AHNAK: variants seen among roughly 807,000 people sequenced by gnomAD.
AHNAK encodes the protein AHNAK nucleoprotein.
A neutral mutation model predicts 37.8 loss-of-function variants in AHNAK; 23 were observed. That is an observed-to-expected ratio of 0.61 (90% CI 0.44 to 0.86). AHNAK has a LOEUF of 0.86. Among genes scored for constraint, AHNAK ranks in the 40% least tolerant of loss-of-function variants. The pLI is 0.00. For synonymous variants in AHNAK, 2,481 were observed against 2,636.3 expected, an observed-to-expected ratio of 0.94 and a Z score of 1.80; for missense variants, 7,411 against 7,319.4, an observed-to-expected ratio of 1.01 and a Z score of -0.46.
In AHNAK at chr11:62,532,560, C is replaced by A. The variant is rs151201142; in HGVS notation, c.1857G>T (p.Ala619=). The change falls in exon 5 of 5, where the codon GCG becomes GCT. Residue 619 remains alanine (A), a synonymous_variant. Transcript: ENST00000378024. ...TTTTCAGGTTCCATTCTGGGCCATG[C>A]GCTTCGACATCTGGGGCACTGACAT... The part of the protein sequence containing the change: ...KVDVSAPDVE[A]HGPEWNLKMP... The A allele has an allele frequency of 4.3e-6, 7 of 1,613,916 alleles. No individual in the cohort carries two copies. The Admixed American group carries it at 5.0e-5, about 12-fold the overall frequency.
At chr11:62,512,186 A>AC (rs371523140), downstream of AHNAK, among the ~76,000 whole-genome samples, 2 of 151,944 alleles carry the variant, frequency 1.3e-5, no homozygotes, top group Admixed American at 6.6e-5. This position sits in a 1 kb window ranked among gnomAD's most constrained non-coding sequence, Gnocchi z 4.0. Context: ...CCACCTTCAG[A>AC]CCCCTGCTCC....
Position 62,523,112 on chromosome 11 carries a change from T to C in AHNAK, c.11305A>G (p.Lys3769Glu). ...VKGDVDVSLPKMEGDLKGPEV... is the reference protein window; with the variant it reads ...VKGDVDVSLPEMEGDLKGPEV... ...GGACCCTTGAGGTCACCTTCCATTT[T>C]GGGCAGAGAAACATCCACATCGCCC... Residue 3769 changes from lysine to glutamate, a missense_variant, in exon 5 of 5, where the codon AAA becomes GAA. Lys to Glu is a moderately conservative substitution (Grantham distance 56, BLOSUM62 1). Transcript: ENST00000378024. 6.2e-7 allele frequency: 1 copy of C among 1,614,128 alleles called. No homozygotes were observed. Among genetic ancestry groups the C allele is most frequent in the Non-Finnish European group, 8.5e-7 (1 of 1,180,014 alleles).
At chr11:62,471,919 G>A (rs1939043277) in intron 5 of AHNAK, among the ~76,000 whole-genome samples, 1 of 152,146 alleles carries the variant, frequency 6.6e-6, no homozygotes, top group Non-Finnish European at 1.5e-5. Flanking sequence ...AGGGAGAGGG[G>A]TGGAGAGATA....
At chr11:62,506,370 A>C (rs957298809) in intron 4 of AHNAK, among the ~76,000 whole-genome samples, 2 of 151,978 alleles carry the variant, frequency 1.3e-5, no homozygotes, top group Admixed American at 6.6e-5. Context: ...GAAGACTGAG[A>C]TCCTTCTACT....
At chr11:62,478,127 C>G (rs545437743) in intron 5 of AHNAK, among the ~76,000 whole-genome samples, 62 of 152,312 alleles carry the variant, frequency 4.1e-4, no homozygotes, top group African/African-American at 1.4e-3. Context: ...CCATCTCCTC[C>G]CCCACTATTC....
In AHNAK at chr11:62,531,076, T is replaced by A; in HGVS notation, c.3341A>T (p.Asp1114Val). The A allele has an allele frequency of 6.2e-7, 1 of 1,613,822 alleles. No individual in the cohort carries two copies. Among genetic ancestry groups the A allele is most frequent in the Non-Finnish European group, 8.5e-7 (1 of 1,179,960 alleles). ...CCAGTCCAGGCCTTGGCCTTCCACA[T>A]CTGGTGCTTTAATATCTACCTTGGG... ...RGPKVDIKAP[D>V]VEGQGLDWSL... The change falls in exon 5 of 5, where the codon GAT (aspartate) becomes GTT (valine). Residue 1114 changes from aspartate (D) to valine (V), a missense_variant. Coordinates refer to ENST00000378024, the MANE Select transcript of AHNAK (RefSeq NM_001620.3).
intron 5 of AHNAK, among the ~76,000 whole-genome samples, chr11:62,469,551 G>A (rs904781331): frequency 2.6e-5 from 4 of 151,846 alleles, no homozygotes; most frequent in South Asian, 2.1e-4. Context: ...TGTAACCTCC[G>A]CCTCCCAGGT....
chr11:62,535,074 C>T lies in AHNAK; in HGVS notation c.271G>A (p.Asp91Asn), dbSNP rs750313527. 5 of 1,613,874 alleles carry T rather than the reference C, an allele frequency of 3.1e-6. No homozygotes were observed. The South Asian group carries it at 4.4e-5, about 14-fold the overall frequency. Residue 91 changes from aspartate (D) to asparagine (N), a missense_variant, in exon 4 of 5, where the codon GAC becomes AAC. Asp to Asn is a conservative substitution (Grantham distance 23, BLOSUM62 1). Coordinates refer to ENST00000378024, the MANE Select transcript of AHNAK (RefSeq NM_001620.3). ...GTCTGGCCAGGCTCGGGAGAGCGGT[C>T]CCCCTTGCGGTGCAGCTTCAGGCCC... ...TVGLKLHRKGDRSPEPGQTWT... is the reference protein window; with the variant it reads ...TVGLKLHRKGNRSPEPGQTWT...
At chr11:62,442,313 T>C (rs1008272956) in intron 5 of AHNAK, among the ~76,000 whole-genome samples, 5 of 152,124 alleles carry the variant, frequency 3.3e-5, no homozygotes, top group African/African-American at 1.2e-4. Flanking sequence ...TGTGGGAGGC[T>C]GAAGCGGGCA....
intron 5 of AHNAK, among the ~76,000 whole-genome samples, chr11:62,459,344 A>G (rs1938736944): frequency 6.6e-6 from 1 of 152,210 alleles, no homozygotes; most frequent in South Asian, 2.1e-4. Context: ...CCTTCAGTCT[A>G]CACTGAAAGC....
At chr11:62,505,649 C>T (rs1219746042) in intron 4 of AHNAK, among the ~76,000 whole-genome samples, 1 of 151,946 alleles carries the variant, frequency 6.6e-6, no homozygotes, top group Non-Finnish European at 1.5e-5. Flanking sequence ...CTTCCCGCTC[C>T]ACGCCCTTCA....
chr11:62,520,808 T>C lies in AHNAK; in HGVS notation c.13609A>G (p.Met4537Val). The C allele has an allele frequency of 3.7e-6, 6 of 1,614,092 alleles. No homozygotes were observed. The highest frequency in any genetic ancestry group is 5.1e-6 in the Non-Finnish European group (6 of 1,179,998). Residue 4537 changes from methionine (M) to valine (V), a missense_variant, in exon 5 of 5, where the codon ATG (methionine) becomes GTG (valine). Transcript: ENST00000378024. ...NLKGPKIKGDMDISVPKLEGD... is the reference protein window; with the variant it reads ...NLKGPKIKGDVDISVPKLEGD... ...TCCAGTTTAGGAACGGAAATGTCCATATCTCCTTTTATCTTAGGTCCTTTC... is the reference window on the plus strand; with the variant it reads ...TCCAGTTTAGGAACGGAAATGTCCACATCTCCTTTTATCTTAGGTCCTTTC...
intron 5 of AHNAK, among the ~76,000 whole-genome samples, chr11:62,454,930 ATTTT>A (rs67424324): frequency 1.5e-5 from 2 of 134,640 alleles, no homozygotes; most frequent in Admixed American, 7.7e-5. Context: ...TTATTTATTT[ATTTT>A]TTTTTTTTTT....
intron 5 of AHNAK, among the ~76,000 whole-genome samples, chr11:62,470,512 A>G (rs1033228338): frequency 2.0e-5 from 3 of 152,114 alleles, no homozygotes; most frequent in Non-Finnish European, 4.4e-5. Context: ...AGGCTGAGAC[A>G]GGAGAATCGC....
Position 62,528,953 on chromosome 11 carries a change from C to T in AHNAK, c.5464G>A (p.Val1822Met), listed in dbSNP as rs781257038. The T allele has an allele frequency of 1.9e-6, 3 of 1,614,206 alleles. No homozygotes were observed. The highest frequency in any genetic ancestry group is 3.3e-5 in the Admixed American group (2 of 60,018). ...TCAACATCGGGCACCTCCGCTTCCA[C>T]AAAAGGACCTTTGACATCAACTTGC... ...GPQVDVKGPF[V>M]EAEVPDVDLE... The change falls in exon 5 of 5, where the codon GTG (valine) becomes ATG (methionine). Residue 1822 changes from valine (V) to methionine (M), a missense_variant. By Grantham distance (21) the Val-to-Met change is conservative (BLOSUM62 1). Transcript: ENST00000378024.
chr11:62,533,265 T>C lies in AHNAK; in HGVS notation c.1152A>G (p.Leu384=). 7 of 1,527,446 alleles carry C rather than the reference T, an allele frequency of 4.6e-6. No homozygotes were observed. Among genetic ancestry groups the C allele is most frequent in the Non-Finnish European group, 6.1e-6 (7 of 1,142,024 alleles). The allele number at this position is 1,527,446 out of a possible 1,614,324, so 94.6% of individuals were successfully genotyped here. The change falls in exon 5 of 5, where the codon CTA becomes CTG. Residue 384 remains leucine (L), a synonymous_variant. Coordinates refer to ENST00000378024, the MANE Select transcript of AHNAK (RefSeq NM_001620.3). ...CCTGTGGCTTGGCACCTTTCAGGCC[T>C]AGGTCACCCTCAAGTGATGGCCCAG... ...QITGPSLEGD[L]GLKGAKPQGH...
chr11:62,478,535 A>G (rs902832485), intron 5 of AHNAK, among the ~76,000 whole-genome samples: 4 of 152,126 alleles, frequency 2.6e-5, no homozygotes, highest in African/African-American at 9.7e-5. Flanking sequence ...GCTTGAGCCC[A>G]GGAGTTCCTG....
chr11:62,486,544 G>GGA (rs1565210896), intron 5 of AHNAK, among the ~76,000 whole-genome samples: 12 of 3,340 alleles, frequency 3.6e-3, no homozygotes, highest in Non-Finnish European at 7.2e-3. Context: ...GGAAGGAAGG[G>GGA]AGGGAGGGAG....
At chr11:62,480,997 C>G (rs1237658288) in intron 5 of AHNAK, among the ~76,000 whole-genome samples, 11 of 152,148 alleles carry the variant, frequency 7.2e-5, no homozygotes, top group African/African-American at 2.2e-4. Flanking sequence ...CGATGAAACC[C>G]GAGGCGCTCC....
Sources: gnomAD v4.1 joint callset for allele counts (sites outside exome capture counted in the v4.1 genomes callset) on GRCh38, gnomAD v4.1.1 for gene constraint, Gnocchi (gnomAD v3.1) non-coding constraint, MANE v1.5 for transcripts, NCBI Gene and HGNC (gene_info 2026-07-23, HGNC 2026-07-21) for gene names.